Variants in PCDHA7 observed in about 807,000 individuals in gnomAD.
PCDHA7 encodes protocadherin alpha-7.
In PCDHA7, 37 loss-of-function variants were observed where a neutral mutation model predicts 57.2. The observed-to-expected ratio is 0.65, with a 90% confidence interval of 0.50 to 0.85. PCDHA7 has a LOEUF of 0.85. Among genes scored for constraint, PCDHA7 ranks in the 40% least tolerant of loss-of-function variants. PCDHA7 has a pLI of 0.00. For synonymous variants in PCDHA7, 553 were observed against 558.8 expected (o/e 0.99, Z 0.15); for missense variants, 1,188 against 1,241.8 (o/e 0.96, Z 0.65).
chr5:141,006,937 A>G (rs1341234151), intron 3 of PCDHA7, among the ~76,000 whole-genome samples: 1 of 152,206 alleles, frequency 6.6e-6, no homozygotes, highest in Non-Finnish European at 1.5e-5. Context: ...AACTGGGGAT[A>G]CCAGATAGGC....
intron 1 of PCDHA7, chr5:140,927,606 C>T: frequency 6.2e-7 from 1 of 1,614,202 alleles, no homozygotes; most frequent in Non-Finnish European, 8.5e-7. Context: ...GCTCCGTATA[C>T]CGCACCAAGG....
intron 1 of PCDHA7, among the ~76,000 whole-genome samples, chr5:140,945,912 A>G (rs1351762760): frequency 2.0e-5 from 3 of 152,132 alleles, no homozygotes; most frequent in African/African-American, 7.2e-5. Flanking sequence ...TGAAAGATCA[A>G]TAACACTGAT....
intron 1 of PCDHA7, among the ~76,000 whole-genome samples, chr5:140,931,396 G>A (rs1554208395): frequency 1.3e-5 from 2 of 152,118 alleles, no homozygotes; most frequent in Non-Finnish European, 2.9e-5. Context: ...ATAAGTAAGC[G>A]ATAGGAAGGC....
intron 1 of PCDHA7, chr5:140,848,197 A>G: frequency 3.2e-6 from 1 of 310,898 alleles, no homozygotes; most frequent in Middle Eastern, 9.7e-4. Flanking sequence ...TTCTGTTTCA[A>G]CAATCATTAC....
At chr5:140,962,171 G>A (rs1218733161) in intron 1 of PCDHA7, among the ~76,000 whole-genome samples, 3 of 151,902 alleles carry the variant, frequency 2.0e-5, no homozygotes, top group Non-Finnish European at 4.4e-5. Context: ...CACCACACCC[G>A]GCCACTTATA....
At chr5:140,851,402 T>C (rs2042052947) in intron 1 of PCDHA7, 2 of 969,750 alleles carry the variant, frequency 2.1e-6, no homozygotes. Flanking sequence ...ATTATTTTAA[T>C]AAGAAAGAAA....
At chr5:140,941,375 G>A (rs1441847516) in intron 1 of PCDHA7, among the ~76,000 whole-genome samples, 1 of 134,938 alleles carries the variant, frequency 7.4e-6, no homozygotes, top group Non-Finnish European at 1.5e-5. Context: ...GGAGTGTAGT[G>A]ACAGGATTTT....
At chr5:140,857,346 C>T (rs782309251) in intron 1 of PCDHA7, 1 of 1,598,444 alleles carries the variant, frequency 6.3e-7, no homozygotes, top group South Asian at 1.1e-5. Flanking sequence ...GGCTCGCCTC[C>T]GCTGTGGGCC....
chr5:140,971,203 T>A (rs1586466173), intron 1 of PCDHA7, among the ~76,000 whole-genome samples: 2 of 152,308 alleles, frequency 1.3e-5, no homozygotes, highest in Middle Eastern at 6.8e-3. Context: ...GGAAAGACAC[T>A]GTTACCCTCC....
At chr5:140,983,621 A>G (rs1271083054) in intron 3 of PCDHA7, among the ~76,000 whole-genome samples, 5 of 152,250 alleles carry the variant, frequency 3.3e-5, no homozygotes, top group African/African-American at 1.2e-4. Flanking sequence ...CAGAGAGATT[A>G]AGAAATGTAC....
chr5:140,843,514 G>T lies in PCDHA7; in HGVS notation c.2355+6776G>T, dbSNP rs2150361625. 18 of 1,595,918 alleles carry T rather than the reference G, an allele frequency of 1.1e-5. 2 individuals carry two copies. Among genetic ancestry groups the T allele is most frequent in the Non-Finnish European group, 1.5e-5 (18 of 1,165,532 alleles). The stretch of plus-strand genomic sequence containing the variant: ...GCTCAGCACTGCCCACTGAGGGCGG[G>T]TGCCGGGCGGGCAAGCCCACTCTGG... On this transcript the variant is annotated intron_variant, in intron 1 of 3. Coordinates refer to ENST00000525929, the MANE Select transcript of PCDHA7 (RefSeq NM_018910.3).
chr5:140,863,217 G>A (rs932359746), intron 1 of PCDHA7: 13 of 1,095,768 alleles, frequency 1.2e-5, no homozygotes, highest in Non-Finnish European at 1.6e-5. Flanking sequence ...GCAGCCAAGC[G>A]AGGAAGGTCC....
chr5:140,834,282 AC>A lies in PCDHA7; in HGVS notation c.-101del, dbSNP rs1772883613. The A allele has an allele frequency of 8.7e-7, 1 of 1,147,956 alleles. No homozygotes were observed. Among genetic ancestry groups the A allele is most frequent in the Non-Finnish European group, 1.2e-6 (1 of 800,228 alleles). The allele number at this position is 1,147,956 out of a possible 1,614,324, so 71.1% of individuals were successfully genotyped here. On this transcript the variant is annotated 5_prime_UTR_variant, in exon 1 of 4. It introduces an in-frame stop codon into an upstream open reading frame of the 5' UTR. Coordinates refer to ENST00000525929, the MANE Select transcript of PCDHA7 (RefSeq NM_018910.3). Reference sequence around the variant, plus strand: ...CCACTCTCTTTCACTCTTTGGATGCACAACAATGGCCACACATCGAGATTGA... The same window carrying A: ...CCACTCTCTTTCACTCTTTGGATGCAAACAATGGCCACACATCGAGATTGA...
In PCDHA7 at chr5:140,870,897, G is replaced by A. The variant is rs372076650; in HGVS notation, c.2355+34159G>A. 4 of 1,613,942 alleles carry A rather than the reference G, an allele frequency of 2.5e-6. No individual in the cohort carries two copies. In the African/African-American group the frequency reaches 4.0e-5, roughly 16 times the overall value. Reference sequence around the variant, plus strand: ...TGGCGAAGGTGCGCGCAGTGGATGCGGACTCAGGCTACAACGCGTGGCTTT... The same window carrying A: ...TGGCGAAGGTGCGCGCAGTGGATGCAGACTCAGGCTACAACGCGTGGCTTT... On this transcript the variant is annotated intron_variant, in intron 1 of 3. Coordinates refer to ENST00000525929, the MANE Select transcript of PCDHA7 (RefSeq NM_018910.3).
At chr5:140,904,275 C>A (rs169087) in intron 1 of PCDHA7, among the ~76,000 whole-genome samples, 7,060 of 152,068 alleles carry the variant, frequency 0.046, 292 homozygotes, top group African/African-American at 0.11. Flanking sequence ...TGAATGAGAA[C>A]ATGTGGTGTT....
At chr5:140,900,546 G>A (rs1430203463) in intron 1 of PCDHA7, among the ~76,000 whole-genome samples, 3 of 152,162 alleles carry the variant, frequency 2.0e-5, no homozygotes, top group East Asian at 1.9e-4. Context: ...CAAAGTGCTG[G>A]GATTACAGGC....
chr5:140,872,756 A>G (rs987230878), intron 1 of PCDHA7, among the ~76,000 whole-genome samples: 1 of 152,342 alleles, frequency 6.6e-6, no homozygotes, highest in East Asian at 1.9e-4. Context: ...AAAGACATGC[A>G]TATAGGGCTA....
intron 3 of PCDHA7, among the ~76,000 whole-genome samples, chr5:140,987,224 A>T (rs28567024): frequency 4.6e-5 from 7 of 152,044 alleles, no homozygotes; most frequent in East Asian, 1.9e-4. Context: ...AAAAAAAAAA[A>T]AAATAATAAA....
At chr5:140,956,719 T>C (rs2095305109) in intron 1 of PCDHA7, among the ~76,000 whole-genome samples, 1 of 152,216 alleles carries the variant, frequency 6.6e-6, no homozygotes, top group Non-Finnish European at 1.5e-5. Context: ...TCAGAAGAAT[T>C]GGTACCAGCT....
Sources: allele counts gnomAD v4.1 joint callset (sites outside exome capture counted in the v4.1 genomes callset), GRCh38; gene constraint gnomAD v4.1.1; transcripts MANE v1.5; gene names NCBI Gene and HGNC (gene_info 2026-07-23, HGNC 2026-07-21).